LRBA: variants seen among roughly 807,000 people sequenced by gnomAD.
LRBA encodes the protein LPS responsive beige-like anchor protein.
LRBA carries 176 observed loss-of-function variants against 330.0 expected under a neutral mutation model. The ratio of observed to expected loss-of-function variants is 0.53; its 90% confidence interval spans 0.47 to 0.60. The LOEUF is 0.60. Ranked by LOEUF, LRBA falls within the 20% of genes least tolerant of loss-of-function variation. The pLI is 0.00. For missense variants in LRBA, 3,259 were observed against 3,444.8 expected, an observed-to-expected ratio of 0.95 and a Z score of 1.35; for synonymous variants, 1,230 against 1,193.0, an observed-to-expected ratio of 1.03 and a Z score of -0.64.
Position 150,277,909 on chromosome 4 carries a change from A to G in LRBA, c.8412T>C (p.Phe2804=). ...VRQVSDLKQL[F]AYPGCDAGIR... Reference sequence around the variant, plus strand: ...TTCCAGCGTCACATCCTGGATAGGCAAAGAGCTGCTTGAGGTCCGACACCT... The same window carrying G: ...TTCCAGCGTCACATCCTGGATAGGCGAAGAGCTGCTTGAGGTCCGACACCT... The change falls in exon 56 of 57, where the codon TTT becomes TTC. Residue 2804 remains phenylalanine, a synonymous_variant. Coordinates refer to ENST00000651943, the MANE Select transcript of LRBA (RefSeq NM_001364905.1). 1 of 1,614,122 alleles carries G rather than the reference A, an allele frequency of 6.2e-7. No individual in the cohort carries two copies. Among genetic ancestry groups the G allele is most frequent in the South Asian group, 1.1e-5 (1 of 91,084 alleles).
intron 40 of LRBA, among the ~76,000 whole-genome samples, chr4:150,501,098 G>C (rs1040420457): frequency 7.9e-5 from 12 of 152,168 alleles, no homozygotes; most frequent in African/African-American, 2.7e-4. Flanking sequence ...ATATGTAATA[G>C]AACATTATGA....
At chr4:150,495,711 T>C (rs1759506561) in intron 40 of LRBA, among the ~76,000 whole-genome samples, 1 of 152,176 alleles carries the variant, frequency 6.6e-6, no homozygotes, top group Non-Finnish European at 1.5e-5. Flanking sequence ...TAGAGTTCAA[T>C]TAAAACTGGA....
chr4:150,697,339 A>AC (rs1784731309), intron 36 of LRBA, among the ~76,000 whole-genome samples: 1 of 148,660 alleles, frequency 6.7e-6, no homozygotes, highest in African/African-American at 2.5e-5. Context: ...AAAAAAAAAA[A>AC]AAAAAAAAAA....
At position 150,922,396 on chromosome 4, in the gene LRBA, A is replaced by G. The variant is rs62344601; in HGVS notation, c.550-1103T>C. 1.8e-3 allele frequency among the ~76,000 whole-genome samples: 224 copies of G among 126,432 alleles called. 1 individual carries two copies. The highest frequency in any genetic ancestry group is 7.5e-3 in the African/African-American group (199 of 26,454). 82.9% of individuals were successfully genotyped at this position (126,432 alleles called of 152,430 possible). On this transcript the variant is annotated intron_variant, in intron 4 of 56. Transcript: ENST00000651943. ...AACGAGTGGATAAAGAAACTGTGGTATATATATATATATATATATATGATG... is the reference window on the plus strand; with the variant it reads ...AACGAGTGGATAAAGAAACTGTGGTGTATATATATATATATATATATGATG...
chr4:150,913,930 C>T (rs1732286659), intron 9 of LRBA, among the ~76,000 whole-genome samples: 1 of 152,152 alleles, frequency 6.6e-6, no homozygotes, highest in Admixed American at 6.5e-5. Context: ...TGTTTTAATA[C>T]AGTCATGCAA....
chr4:150,281,394 A>G (rs1747506780), intron 55 of LRBA, among the ~76,000 whole-genome samples: 1 of 152,190 alleles, frequency 6.6e-6, no homozygotes. Flanking sequence ...CGTCCACTGA[A>G]TCAAGAAATG....
chr4:150,937,964 G>A (rs1450667540), intron 2 of LRBA, among the ~76,000 whole-genome samples: 1 of 151,664 alleles, frequency 6.6e-6, no homozygotes, highest in Non-Finnish European at 1.5e-5. Flanking sequence ...GGAATACTGT[G>A]TGACTCACAG....
At chr4:150,789,421 T>C (rs1739573673) in intron 34 of LRBA, among the ~76,000 whole-genome samples, 2 of 152,194 alleles carry the variant, frequency 1.3e-5, no homozygotes, top group African/African-American at 2.4e-5. Flanking sequence ...GGAATGTTTG[T>C]GCAATTACTC....
intron 40 of LRBA, among the ~76,000 whole-genome samples, chr4:150,572,786 G>A (rs573427985): frequency 1.5e-4 from 23 of 152,200 alleles, no homozygotes; most frequent in Non-Finnish European, 2.8e-4. Flanking sequence ...AAGGAAATAT[G>A]AGGGAGGGTT....
chr4:150,353,879 C>T (rs1327696624), intron 47 of LRBA, among the ~76,000 whole-genome samples: 1 of 152,156 alleles, frequency 6.6e-6, no homozygotes, highest in Non-Finnish European at 1.5e-5. Flanking sequence ...TTCCATTAGT[C>T]AGCTTCAAGC....
In LRBA at chr4:151,003,034, G is replaced by A. The variant is rs116089671; in HGVS notation, c.216+11393C>T. Among the ~76,000 whole-genome samples, 672 of 106,074 alleles carry A rather than the reference G, an allele frequency of 6.3e-3. 8 individuals carry two copies. The highest frequency in any genetic ancestry group is 0.019 in the African/African-American group (642 of 33,064). The allele number at this position is 106,074 out of a possible 152,430, so 69.6% of individuals were successfully genotyped here. A position where few individuals can be genotyped will look rare whatever the true frequency, so the allele number is the denominator to read the frequency against. ...GTCTCAAAAAAAAATATGTGTGTGTGTATGTGTTTGCGTGTGTGTGTGTGT... is the reference window on the plus strand; with the variant it reads ...GTCTCAAAAAAAAATATGTGTGTGTATATGTGTTTGCGTGTGTGTGTGTGT... On this transcript the variant is annotated intron_variant, in intron 2 of 56. Coordinates refer to ENST00000651943, the MANE Select transcript of LRBA (RefSeq NM_001364905.1).
Position 150,807,103 on chromosome 4 carries a change from GTTT to G in LRBA, c.5385-702_5385-700del, listed in dbSNP as rs1263707443. 2.1e-5 allele frequency among the ~76,000 whole-genome samples: 3 copies of G among 144,262 alleles called. No individual in the cohort carries two copies. The East Asian group carries it at 6.0e-4, about 29-fold the overall frequency. 94.6% of individuals were successfully genotyped at this position (144,262 alleles called of 152,430 possible). On this transcript the variant is annotated intron_variant, in intron 32 of 56. Coordinates refer to ENST00000651943, the MANE Select transcript of LRBA (RefSeq NM_001364905.1). ...ACATACACAGATACATTTAATGAGGGTTTTTTTTTTAAGGTCCCCAGCATTTCA... is the reference window on the plus strand; with the variant it reads ...ACATACACAGATACATTTAATGAGGGTTTTTTTAAGGTCCCCAGCATTTCA...
At chr4:150,842,148 G>A (rs1749184294) in intron 28 of LRBA, among the ~76,000 whole-genome samples, 1 of 152,170 alleles carries the variant, frequency 6.6e-6, no homozygotes, top group African/African-American at 2.4e-5. Flanking sequence ...ATTGTTTGCA[G>A]AATATTGTAA....
At chr4:150,478,023 T>G (rs925246320) in intron 42 of LRBA, among the ~76,000 whole-genome samples, 69 of 152,160 alleles carry the variant, frequency 4.5e-4, no homozygotes, top group African/African-American at 1.6e-3. Context: ...TTTTTGCTCT[T>G]AGTGTTGTTG....
At chr4:150,773,698 C>A (rs569539389) in intron 34 of LRBA, among the ~76,000 whole-genome samples, 1 of 152,326 alleles carries the variant, frequency 6.6e-6, no homozygotes, top group South Asian at 2.1e-4. Context: ...ATCATAATAA[C>A]CCTCACTCAA....
At chr4:150,569,968 T>C (rs1769631920) in intron 40 of LRBA, among the ~76,000 whole-genome samples, 1 of 152,140 alleles carries the variant, frequency 6.6e-6, no homozygotes, top group Non-Finnish European at 1.5e-5. Flanking sequence ...ATCATACATA[T>C]TTATTGTTTT....
chr4:150,497,715 T>C (rs535455103), intron 40 of LRBA, among the ~76,000 whole-genome samples: 72 of 152,280 alleles, frequency 4.7e-4, no homozygotes, highest in African/African-American at 1.7e-3. Context: ...GACCTTTGTA[T>C]TGATTGGACT....
At chr4:150,957,394 A>G (rs894176472) in intron 2 of LRBA, among the ~76,000 whole-genome samples, 1 of 148,370 alleles carries the variant, frequency 6.7e-6, no homozygotes, top group Admixed American at 6.6e-5. Flanking sequence ...CTTATTCACT[A>G]TCAAGAGAAC....
At chr4:150,319,072 G>A (rs989344192) in intron 50 of LRBA, among the ~76,000 whole-genome samples, 2 of 152,168 alleles carry the variant, frequency 1.3e-5, no homozygotes, top group African/African-American at 4.8e-5. Flanking sequence ...CTGGAAAGGT[G>A]AAAGCCAGAA....
Sources: gnomAD v4.1 joint callset for allele counts (sites outside exome capture counted in the v4.1 genomes callset) on GRCh38, gnomAD v4.1.1 for gene constraint, MANE v1.5 for transcripts, NCBI Gene and HGNC (gene_info 2026-07-23, HGNC 2026-07-21) for gene names.